The following DDX4 variants were observed in gnomAD, a reference collection of about 807,000 sequenced individuals.
The protein encoded by DDX4 is probable ATP-dependent RNA helicase DDX4.
A neutral mutation model predicts 100.0 loss-of-function variants in DDX4; 25 were observed. The ratio of observed to expected loss-of-function variants is 0.25; its 90% CI spans 0.18 to 0.35. DDX4 has a LOEUF of 0.35. Among genes scored for constraint, DDX4 ranks in the 10% least tolerant of loss-of-function variants. The pLI is 1.00. For missense variants in DDX4, 635 were observed against 882.4 expected (o/e 0.72, Z 3.55); for synonymous variants, 259 against 275.7 (o/e 0.94, Z 0.60).
At chr5:55,800,537 G>T (rs1184236410) in intron 18 of DDX4, among the ~76,000 whole-genome samples, 1 of 152,104 alleles carries the variant, frequency 6.6e-6, no homozygotes, top group East Asian at 1.9e-4. Flanking sequence ...TGTTAGCCAG[G>T]ATGGTCTTGA....
chr5:55,790,836 T>C (rs112613197), intron 16 of DDX4, 131 bp downstream of exon 16: 3 of 764,554 alleles, frequency 3.9e-6, no homozygotes, highest in African/African-American at 3.6e-5. Context: ...TCACATTCTT[T>C]GAATGCATTC....
intron 17 of DDX4, among the ~76,000 whole-genome samples, chr5:55,795,061 G>T (rs1168936141): frequency 1.3e-5 from 2 of 151,578 alleles, no homozygotes; most frequent in Non-Finnish European, 2.9e-5. Context: ...CGCCTCCAGG[G>T]TTCAAGCGAC....
chr5:55,748,282 C>T (rs1759353056), intron 3 of DDX4, among the ~76,000 whole-genome samples: 1 of 152,060 alleles, frequency 6.6e-6, no homozygotes, highest in South Asian at 2.1e-4. Context: ...TAGAGTATTC[C>T]AGAAAGACAA....
chr5:55,765,404 AAAAAAAAAAAT>A (rs1740833895), intron 6 of DDX4, among the ~76,000 whole-genome samples: 1 of 120,230 alleles, frequency 8.3e-6, no homozygotes, highest in African/African-American at 3.4e-5. Flanking sequence ...CTAAAAAAAA[AAAAAAAAAAAT>A]ATATATATAT....
intron 6 of DDX4, among the ~76,000 whole-genome samples, chr5:55,766,438 G>C (rs376125780): frequency 8.5e-6 from 1 of 117,168 alleles, no homozygotes; most frequent in Non-Finnish European, 1.9e-5. Context: ...TAGTAGTTTT[G>C]TTTTTTTTTT....
At chr5:55,802,341 ATG>A (rs1051306622) in intron 18 of DDX4, among the ~76,000 whole-genome samples, 8 of 152,240 alleles carry the variant, frequency 5.3e-5, no homozygotes, top group African/African-American at 1.9e-4. Context: ...GTCTACTAAA[ATG>A]TGTAAATGAC....
chr5:55,739,348 GA>G (rs1234788479), intron 2 of DDX4, among the ~76,000 whole-genome samples: 1 of 152,198 alleles, frequency 6.6e-6, no homozygotes, highest in Non-Finnish European at 1.5e-5. Context: ...CGCTTGTATG[GA>G]AAATTGAAAA....
rs539640943 is a variant in DDX4 at position 55,806,812 on chromosome 5, T to G, written c.1616-6861T>G. ...AGACTGTATATTCTGTTGATTTGGGTTGGAGAGTTCTATAGATGTCTGTTA... is the reference window on the plus strand; with the variant it reads ...AGACTGTATATTCTGTTGATTTGGGGTGGAGAGTTCTATAGATGTCTGTTA... On this transcript the variant is annotated intron_variant, in intron 18 of 21. Coordinates refer to ENST00000505374, the MANE Select transcript of DDX4 (RefSeq NM_024415.3). 2.1e-4 allele frequency among the ~76,000 whole-genome samples: 32 copies of G among 152,254 alleles called. 1 individual carries two copies. In the East Asian group the frequency reaches 2.7e-3, roughly 13 times the overall value.
At chr5:55,812,153 C>T (rs894683363) in intron 18 of DDX4, among the ~76,000 whole-genome samples, 2 of 152,072 alleles carry the variant, frequency 1.3e-5, no homozygotes, top group Admixed American at 6.5e-5. Context: ...AGTTCAATTT[C>T]TTTACTTTCT....
chr5:55,753,126 C>G (rs1374636452), intron 3 of DDX4, among the ~76,000 whole-genome samples: 1 of 151,998 alleles, frequency 6.6e-6, no homozygotes, highest in African/African-American at 2.4e-5. Flanking sequence ...TTCTCCCATT[C>G]TGTAGGTTGC....
rs10064218 is a variant in DDX4, at chr5:55,741,067, G to T, written c.69+2035G>T. Among the ~76,000 whole-genome samples the T allele has an allele frequency of 3.3e-3, 506 of 152,158 alleles. 4 individuals carry two copies. Among genetic ancestry groups the T allele is most frequent in the African/African-American group, 0.012 (493 of 41,512 alleles). ...GTTATAACACAAAGTTTAATTCACA[G>T]ATAGATACTTTATTCCCCCTGGTCT... On this transcript the variant is annotated intron_variant, in intron 2 of 21. Transcript: ENST00000505374.
chr5:55,746,302 C>A, intron 3 of DDX4, 81 bp downstream of exon 3: 2 of 1,276,068 alleles, frequency 1.6e-6, no homozygotes, highest in Non-Finnish European at 2.2e-6. Context: ...GACTAGTAGA[C>A]ATCTTGTAGA....
intron 3 of DDX4, among the ~76,000 whole-genome samples, chr5:55,753,652 C>T (rs1412073662): frequency 7.5e-5 from 11 of 147,398 alleles, no homozygotes; most frequent in South Asian, 2.2e-4. Context: ...CTTGGCGATG[C>T]GGGCTCTTTT....
Position 55,740,447 on chromosome 5 carries a change from T to A in DDX4, c.69+1415T>A, listed in dbSNP as rs374596054. Among the ~76,000 whole-genome samples the A allele has an allele frequency of 4.6e-5, 7 of 152,004 alleles. No homozygotes were observed. In the East Asian group the frequency reaches 7.8e-4, roughly 17 times the overall value. On this transcript the variant is annotated intron_variant, in intron 2 of 21. Transcript: ENST00000505374. ...CTTCCAAAATGCTGGATTACAGTCA[T>A]GAGCCACCGTGCCCAGCCCAAACAT...
chr5:55,764,040 G>C lies in DDX4; in HGVS notation c.310G>C (p.Gly104Arg), dbSNP rs750033606. The change falls in exon 6 of 22, where the codon GGT becomes CGT. Residue 104 changes from glycine (G) to arginine (R), a missense_variant. Around this residue, in one of 4 missense-constraint regions of DDX4, gnomAD observed 446 missense variants for 540.8 expected, o/e 0.82. Transcript: ENST00000505374. ...RGFSNSRFED[G>R]DSSGFWRESS... ...TTTTTCAAACAGCAGGTTTGAAGAT[G>C]GTGATAGCTCTGGTTTCTGGAGAGG... 11 of 1,610,676 alleles carry C rather than the reference G, an allele frequency of 6.8e-6. No individual in the cohort carries two copies. The East Asian group carries it at 2.5e-4, about 36-fold the overall frequency.
At chr5:55,786,733 C>A in intron 14 of DDX4, 63 bp downstream of exon 14, 1 of 1,366,090 alleles carries the variant, frequency 7.3e-7, no homozygotes, top group Admixed American at 1.9e-5. Flanking sequence ...TCCTTAGTAA[C>A]TTGGTTTCTT....
intron 7 of DDX4, among the ~76,000 whole-genome samples, chr5:55,773,903 CAT>C (rs1313806749): frequency 3.3e-5 from 5 of 152,120 alleles, no homozygotes; most frequent in Non-Finnish European, 7.4e-5. Flanking sequence ...GGATTACAAG[CAT>C]GTGTGCCACA....
At chr5:55,809,182 G>A (rs1743954843) in intron 18 of DDX4, among the ~76,000 whole-genome samples, 1 of 152,208 alleles carries the variant, frequency 6.6e-6, no homozygotes, top group Non-Finnish European at 1.5e-5. Flanking sequence ...GTATTATGGT[G>A]GGAGTGACCC....
At chr5:55,812,824 A>AT (rs1345089826) in intron 18 of DDX4, among the ~76,000 whole-genome samples, 1 of 151,364 alleles carries the variant, frequency 6.6e-6, no homozygotes, top group African/African-American at 2.4e-5. Context: ...AATGCGTAAT[A>AT]TTTATTTGCC....
Sources: allele counts gnomAD v4.1 joint callset (sites outside exome capture counted in the v4.1 genomes callset), GRCh38; gene constraint gnomAD v4.1.1; regional missense constraint gnomAD v4.1.1; transcripts MANE v1.5; gene names NCBI Gene and HGNC (gene_info 2026-07-23, HGNC 2026-07-21).